The following SIDT1 variants were observed in gnomAD, a reference collection of about 807,000 sequenced individuals.
The protein encoded by SIDT1 is SID1 transmembrane family member 1.
A neutral mutation model predicts 107.5 loss-of-function variants in SIDT1; 101 were observed. The ratio of observed to expected loss-of-function variants is 0.94; its 90% CI spans 0.80 to 1.11. The LOEUF is 1.11. Ranked by LOEUF, SIDT1 falls within the 50% of genes least tolerant of loss-of-function variation. The pLI, the probability that SIDT1 is intolerant of heterozygous loss-of-function variation, is 0.00. For synonymous variants in SIDT1, 395 were observed against 398.2 expected (o/e 0.99, Z 0.10); for missense variants, 1,076 against 1,058.2 (o/e 1.02, Z -0.23).
At chr3:113,607,003 G>C in intron 14 of SIDT1, 38 bp from the exon 15 acceptor site, 1 of 1,398,646 alleles carries the variant, frequency 7.1e-7, no homozygotes. Context: ...GAGGACGGAG[G>C]AAAACCACAT....
rs115604766 is a variant in SIDT1 at position 113,535,103 on chromosome 3, C to T, written c.222+1860C>T. Among the ~76,000 whole-genome samples the T allele has an allele frequency of 2.4e-3, 362 of 152,254 alleles. 1 individual carries two copies. The highest frequency in any genetic ancestry group is 8.3e-3 in the African/African-American group (343 of 41,530). ...CCTGGAAAACATAATGAGACCCTCT[C>T]TCTACAAAAAATTAAAAAATTAGCT... is the stretch of plus-strand genomic sequence containing the variant. On this transcript the variant is annotated intron_variant, in intron 1 of 24. Coordinates refer to ENST00000264852, the MANE Select transcript of SIDT1 (RefSeq NM_017699.3).
intron 23 of SIDT1, among the ~76,000 whole-genome samples, chr3:113,625,239 T>G (rs751396036): frequency 6.6e-6 from 1 of 151,966 alleles, no homozygotes; most frequent in South Asian, 2.1e-4. Context: ...CAGGTTCAAG[T>G]GATTCTCCTG....
At chr3:113,560,222 C>G (rs1941300096) in intron 1 of SIDT1, among the ~76,000 whole-genome samples, 1 of 152,158 alleles carries the variant, frequency 6.6e-6, no homozygotes, top group Non-Finnish European at 1.5e-5. Context: ...ATGGCAGGAC[C>G]TATGTGGAAG....
chr3:113,616,261 G>A lies in SIDT1; in HGVS notation c.2043+85G>A, dbSNP rs1420259370. On this transcript the variant is annotated intron_variant, in intron 20 of 24. Coordinates refer to ENST00000264852, the MANE Select transcript of SIDT1 (RefSeq NM_017699.3). ...GAACAGGCTTGGGGCAGTCACTCAC[G>A]GCTCCTAAAATCAAGAAGGCCAGAT... The A allele has an allele frequency of 5.0e-5, 54 of 1,076,970 alleles. No individual in the cohort carries two copies. The South Asian group carries it at 5.9e-4, about 12-fold the overall frequency. 66.7% of individuals were successfully genotyped at this position (1,076,970 alleles called of 1,614,324 possible). A position where few individuals can be genotyped will look rare whatever the true frequency, so the allele number is the denominator to read the frequency against.
At chr3:113,602,750 A>G (rs1945048664) in intron 11 of SIDT1, 1 of 335,670 alleles carries the variant, frequency 3.0e-6, no homozygotes, top group Non-Finnish European at 5.4e-6. Context: ...AATAGTTAAC[A>G]GAGCAGATGC....
chr3:113,626,066 G>T (rs1386750500), intron 23 of SIDT1, 36 bp from the exon 24 acceptor site: 1 of 1,386,980 alleles, frequency 7.2e-7, no homozygotes, highest in Non-Finnish European at 1.0e-6. Context: ...TTGAACTGTG[G>T]GAATCTTGCC....
intron 1 of SIDT1, among the ~76,000 whole-genome samples, chr3:113,543,659 T>A (rs963576636): frequency 8.5e-5 from 13 of 152,192 alleles, no homozygotes; most frequent in African/African-American, 3.1e-4. Flanking sequence ...TTAAAAAATC[T>A]ATGCTGCTAT....
chr3:113,621,600 G>A (rs935911958), intron 21 of SIDT1, among the ~76,000 whole-genome samples: 32 of 152,100 alleles, frequency 2.1e-4, no homozygotes, highest in African/African-American at 7.5e-4. Context: ...AAGCCATAAG[G>A]AAAATTTAGC....
intron 9 of SIDT1, among the ~76,000 whole-genome samples, chr3:113,589,555 A>T (rs1375344306): frequency 2.0e-5 from 2 of 98,002 alleles, no homozygotes; most frequent in Non-Finnish European, 4.3e-5. Flanking sequence ...TTTTTTTGAG[A>T]CAGTCTCTCG....
At chr3:113,591,594 C>G (rs772259895) in intron 9 of SIDT1, among the ~76,000 whole-genome samples, 3 of 152,156 alleles carry the variant, frequency 2.0e-5, no homozygotes, top group Non-Finnish European at 4.4e-5. Context: ...ATATGGGAGG[C>G]TGAGGCAGGA....
At chr3:113,555,041 C>T (rs1940691813) in intron 1 of SIDT1, among the ~76,000 whole-genome samples, 1 of 152,226 alleles carries the variant, frequency 6.6e-6, no homozygotes, top group South Asian at 2.1e-4. Context: ...ACTGCCCCAA[C>T]ATGACTTATA....
chr3:113,543,525 C>A (rs532372899), intron 1 of SIDT1, among the ~76,000 whole-genome samples: 1 of 152,108 alleles, frequency 6.6e-6, no homozygotes, highest in Non-Finnish European at 1.5e-5. Flanking sequence ...CTTGCTCCCA[C>A]CCACTCATGT....
At chr3:113,622,259 T>C (rs922922806) in intron 21 of SIDT1, among the ~76,000 whole-genome samples, 1 of 151,836 alleles carries the variant, frequency 6.6e-6, no homozygotes, top group Non-Finnish European at 1.5e-5. Flanking sequence ...GATCAGGAGT[T>C]CAAGACCAGC....
chr3:113,572,595 G>A (rs1175202030), intron 3 of SIDT1, among the ~76,000 whole-genome samples: 1 of 152,116 alleles, frequency 6.6e-6, no homozygotes, highest in Non-Finnish European at 1.5e-5. Flanking sequence ...AAAGATGAGG[G>A]ACAAACAGGC....
chr3:113,541,753 T>G, intron 1 of SIDT1, among the ~76,000 whole-genome samples: 1 of 152,230 alleles, frequency 6.6e-6, no homozygotes, highest in Middle Eastern at 3.4e-3. Flanking sequence ...TCACATTTTT[T>G]TTCTCTGCTT....
chr3:113,616,655 A>C (rs1342891186), intron 20 of SIDT1, among the ~76,000 whole-genome samples: 1 of 151,938 alleles, frequency 6.6e-6, no homozygotes, highest in African/African-American at 2.4e-5. Flanking sequence ...TGTAACCCTG[A>C]GCTTAAAATA....
intron 9 of SIDT1, chr3:113,592,745 G>T (rs149060743): frequency 1.0e-5 from 4 of 381,042 alleles, no homozygotes; most frequent in South Asian, 1.0e-4. Flanking sequence ...CTGCCATCAC[G>T]CCCAGCTAAT....
intron 4 of SIDT1, among the ~76,000 whole-genome samples, chr3:113,577,960 C>T (rs577576683): frequency 7.2e-5 from 11 of 152,318 alleles, no homozygotes; most frequent in African/African-American, 2.2e-4. Context: ...GACTAATGCA[C>T]AATCAGCTCT....
chr3:113,609,649 A>AT (rs1462937581), intron 17 of SIDT1, among the ~76,000 whole-genome samples: 1 of 152,214 alleles, frequency 6.6e-6, no homozygotes, highest in East Asian at 1.9e-4. Context: ...AAGGATGAGG[A>AT]TTTTTTAAAC....
Sources: allele counts gnomAD v4.1 joint callset (sites outside exome capture counted in the v4.1 genomes callset), GRCh38; gene constraint gnomAD v4.1.1; transcripts MANE v1.5; gene names NCBI Gene and HGNC (gene_info 2026-07-23, HGNC 2026-07-21).